The following HTR3D variants were observed in gnomAD, a reference collection of about 807,000 sequenced individuals.
The protein encoded by HTR3D is 5-hydroxytryptamine receptor 3D.
A neutral mutation model predicts 45.8 loss-of-function variants in HTR3D; 47 were observed. The observed-to-expected ratio is 1.03, with a 90% CI of 0.81 to 1.31. The LOEUF (loss-of-function observed/expected upper bound fraction) is 1.31, where lower values mean the gene tolerates loss of function less well. Among genes scored for constraint, HTR3D ranks in the 50% most tolerant of loss-of-function variants. The pLI is 0.00. For synonymous variants in HTR3D, 203 were observed against 199.8 expected, an observed-to-expected ratio of 1.02 and a Z score of -0.13; for missense variants, 448 against 506.9, an observed-to-expected ratio of 0.88 and a Z score of 1.12.
rs117979317 is a variant in HTR3D, at chr3:184,037,024, G to T, written c.516+128G>T. On this transcript the variant is annotated intron_variant, in intron 5 of 7. Transcript: ENST00000428798. ...ATTACGGGCGTGAACCACGAAGCCC[G>T]GCCTTTGTCACTCTTTTTTTTTTTT... The T allele has an allele frequency of 3.1e-5, 25 of 815,930 alleles. No homozygotes were observed. The South Asian group carries it at 4.4e-4, about 14-fold the overall frequency. The allele number at this position is 815,930 out of a possible 1,614,324, so 50.5% of individuals were successfully genotyped here. A position where few individuals can be genotyped will look rare whatever the true frequency, so the allele number is the denominator to read the frequency against.
chr3:184,035,705 T>TGA (rs1250602140), intron 2 of HTR3D, among the ~76,000 whole-genome samples: 3 of 148,280 alleles, frequency 2.0e-5, no homozygotes, highest in East Asian at 1.9e-4. Flanking sequence ...TTTTTTTTTT[T>TGA]GAGAGAGTCT....
chr3:184,038,264 C>A lies in HTR3D; in HGVS notation c.760C>A (p.Gln254Lys). ...SLVRPHPSRDQKRGVYFALCL... is the reference protein window; with the variant it reads ...SLVRPHPSRDKKRGVYFALCL... ...AGTACGTCCTCATCCATCAAGAGACCAAAAGCGAGGTGTGTGTTGGATGGG... is the reference window on the plus strand; with the variant it reads ...AGTACGTCCTCATCCATCAAGAGACAAAAAGCGAGGTGTGTGTTGGATGGG... Residue 254 changes from glutamine (Q) to lysine (K), a missense_variant, in exon 6 of 8, where the codon CAA (glutamine) becomes AAA (lysine). By Grantham distance (53) the Gln-to-Lys change is moderately conservative. Transcript: ENST00000428798. This position sits in a 1 kb window ranked among gnomAD's most constrained non-coding sequence, Gnocchi z 4.5. The A allele has an allele frequency of 6.2e-7, 1 of 1,614,052 alleles. No homozygotes were observed. The highest frequency in any genetic ancestry group is 1.1e-5 in the South Asian group (1 of 91,084).
At position 184,039,154 on chromosome 3, in the gene HTR3D, G is replaced by T; in HGVS notation, c.*179G>T. 1.5e-6 allele frequency: 1 copy of T among 648,314 alleles called. No individual in the cohort carries two copies. The highest frequency in any genetic ancestry group is 2.6e-6 in the Non-Finnish European group (1 of 384,076). 40.2% of individuals were successfully genotyped at this position (648,314 alleles called of 1,614,324 possible). A position where few individuals can be genotyped will look rare whatever the true frequency, so the allele number is the denominator to read the frequency against. On this transcript the variant is annotated 3_prime_UTR_variant, in exon 8 of 8. Coordinates refer to ENST00000428798, the MANE Select transcript of HTR3D (RefSeq NM_001145143.1). ...TATGCCCTCCAAAAGTCGGGTCCTT[G>T]CTCCTGCATGCCATCAGCCCCACTC...
rs143505928 is a variant in HTR3D, at chr3:184,036,695, C to T, written c.368-53C>T. The T allele has an allele frequency of 3.1e-4, 481 of 1,554,256 alleles. No homozygotes were observed. The African/African-American group carries it at 4.9e-3, about 16-fold the overall frequency. ...CAACAGTCTGGGCAAGGGACTTGGG[C>T]GCATTTGGGGAGGCTGAGTCTTCTG... On this transcript the variant is annotated intron_variant, in intron 4 of 7. Transcript: ENST00000428798.
intron 1 of HTR3D, chr3:184,034,965 G>A: frequency 8.8e-7 from 1 of 1,136,018 alleles, no homozygotes; most frequent in East Asian, 2.7e-5. Context: ...TGGAATACTT[G>A]TCAAAACATA....
chr3:184,039,087 C>A lies in HTR3D; in HGVS notation c.*112C>A. ...CCCTGTCAACCGCCTCATTTTTAACCCAGTCCTCTGTGTAGTTTCAGACCA... is the reference window on the plus strand; with the variant it reads ...CCCTGTCAACCGCCTCATTTTTAACACAGTCCTCTGTGTAGTTTCAGACCA... On this transcript the variant is annotated 3_prime_UTR_variant, in exon 8 of 8. Transcript: ENST00000428798. 1.7e-6 allele frequency: 2 copies of A among 1,150,074 alleles called. No individual in the cohort carries two copies. Among genetic ancestry groups the A allele is most frequent in the Non-Finnish European group, 2.5e-6 (2 of 791,854 alleles). The allele number at this position is 1,150,074 out of a possible 1,614,324, so 71.2% of individuals were successfully genotyped here.
At chr3:184,036,252 G>A (rs1211782684) in intron 3 of HTR3D, 123 bp from the exon 4 acceptor site, 1 of 1,497,626 alleles carries the variant, frequency 6.7e-7, no homozygotes, top group Non-Finnish European at 8.9e-7. Context: ...ATAGGTAGAA[G>A]AGAGCAGTCA....
In HTR3D at chr3:184,038,856, C is replaced by T. The variant is rs1172696157; in HGVS notation, c.1096C>T (p.Gln366Ter). The T allele has an allele frequency of 6.2e-7, 1 of 1,614,198 alleles. No homozygotes were observed. Among genetic ancestry groups the T allele is most frequent in the Admixed American group, 1.7e-5 (1 of 60,028 alleles). The change falls in exon 8 of 8, where the codon CAG (glutamine) becomes TAG (stop). Residue 366 changes from glutamine to a stop codon, truncating the protein, a stop_gained. Coordinates refer to ENST00000428798, the MANE Select transcript of HTR3D (RefSeq NM_001145143.1). LOFTEE classifies it high-confidence loss of function. The surrounding 1 kb of genome is among the most constrained non-coding windows in gnomAD (Gnocchi z 4.5). ...CCAGCGGGAACACGAGGCCCAGAAG[C>T]AGCACTCGGTGGAGCTGTGGGTGCA... The part of the protein sequence containing the change: ...RAQREHEAQK[Q>*]HSVELWVQFS...
chr3:184,033,777 C>T (rs1308862910), intron 1 of HTR3D, among the ~76,000 whole-genome samples: 2 of 152,010 alleles, frequency 1.3e-5, no homozygotes, highest in Non-Finnish European at 2.9e-5. Flanking sequence ...ATTAGCTGGG[C>T]GTGTTGGTGG....
chr3:184,037,291 G>C (rs1235330735), intron 5 of HTR3D, among the ~76,000 whole-genome samples: 2 of 151,998 alleles, frequency 1.3e-5, no homozygotes, highest in Non-Finnish European at 2.9e-5. Context: ...TGCCTGCCTC[G>C]GCCTCCCAAA....
intron 1 of HTR3D, among the ~76,000 whole-genome samples, chr3:184,032,050 A>G (rs1393871659): frequency 7.0e-6 from 1 of 141,860 alleles, no homozygotes; most frequent in Non-Finnish European, 1.5e-5. Context: ...GCTAGAGTGC[A>G]GTGGCAATAT....
intron 2 of HTR3D, 64 bp from the exon 3 acceptor site, chr3:184,035,951 C>T: frequency 4.0e-6 from 6 of 1,517,368 alleles, no homozygotes; most frequent in Non-Finnish European, 5.3e-6. Context: ...CCTCAGCCTT[C>T]CAAAGTGCTG....
intron 5 of HTR3D, 75 bp from the exon 6 acceptor site, chr3:184,037,924 ACAGTTTGGCCTGGGACAAATCC>A: frequency 6.9e-7 from 1 of 1,452,586 alleles, no homozygotes; most frequent in South Asian, 1.3e-5. Context: ...TCCTTACTAG[ACAGTTTGGCCTGGGACAAATCC>A]CAGTTCTTAC....
intron 3 of HTR3D, 36 bp downstream of exon 3, chr3:184,036,136 C>T (rs901526855): frequency 1.1e-5 from 17 of 1,539,814 alleles, no homozygotes; most frequent in Non-Finnish European, 1.1e-5. Context: ...ATGGAAACCA[C>T]GTCTACAGGG....
chr3:184,031,785 T>G lies in HTR3D; in HGVS notation c.44T>G (p.Phe15Cys). Reference sequence around the variant, plus strand: ...CATGGGAAAGGATTCCTCCTTGGCTTCATCCTCCACCTGCTGCTGCAAGTA... The same window carrying G: ...CATGGGAAAGGATTCCTCCTTGGCTGCATCCTCCACCTGCTGCTGCAAGTA... ...WFHGKGFLLG[F>C]ILHLLLQDSH... Residue 15 changes from phenylalanine (F) to cysteine (C), a missense_variant, in exon 1 of 8, where the codon TTC becomes TGC. Phe to Cys is a radical substitution (Grantham distance 205). Transcript: ENST00000428798. The G allele has an allele frequency of 1.3e-6, 2 of 1,551,436 alleles. No individual in the cohort carries two copies. Among genetic ancestry groups the G allele is most frequent in the Non-Finnish European group, 8.7e-7 (1 of 1,146,848 alleles).
intron 1 of HTR3D, chr3:184,032,728 C>T (rs757655981): frequency 3.4e-5 from 28 of 813,440 alleles, no homozygotes; most frequent in Non-Finnish European, 5.6e-5. Flanking sequence ...TGACTCAGCT[C>T]ACCTCATCAG....
In HTR3D at chr3:184,038,521, G is replaced by T; in HGVS notation, c.882G>T (p.Trp294Cys). The change falls in exon 7 of 8, where the codon TGG (tryptophan) becomes TGT (cysteine). Residue 294 changes from tryptophan to cysteine, a missense_variant. Physicochemically the swap from Trp to Cys is radical, Grantham distance 215. Transcript: ENST00000428798. This position sits in a 1 kb window ranked among gnomAD's most constrained non-coding sequence, Gnocchi z 4.5. ...ATTQPLPLPRWLHSLLLHCTG... is the reference protein window; with the variant it reads ...ATTQPLPLPRCLHSLLLHCTG... ...CCCAGCCCCTACCTCTGCCTCGGTG[G>T]CTCCACTCCCTGCTGCTGCACTGCA... The T allele has an allele frequency of 6.2e-7, 1 of 1,613,908 alleles. No homozygotes were observed. The highest frequency in any genetic ancestry group is 8.5e-7 in the Non-Finnish European group (1 of 1,180,030).
At chr3:184,032,868 TC>T (rs1722787758) in intron 1 of HTR3D, 1 of 1,551,908 alleles carries the variant, frequency 6.4e-7, no homozygotes, top group South Asian at 1.2e-5. Context: ...GCCCTGGCCC[TC>T]CTCTCTCAGT....
intron 5 of HTR3D, 135 bp from the exon 6 acceptor site, chr3:184,037,886 G>C (rs1227406581): frequency 9.3e-7 from 1 of 1,075,158 alleles, no homozygotes; most frequent in Non-Finnish European, 1.3e-6. Context: ...GAAAAGACCG[G>C]ATGCTGAAAG....
Sources: gnomAD v4.1 joint callset for allele counts (sites outside exome capture counted in the v4.1 genomes callset) on GRCh38, gnomAD v4.1.1 for gene constraint, Gnocchi (gnomAD v3.1) non-coding constraint, MANE v1.5 for transcripts, NCBI Gene and HGNC (gene_info 2026-07-23, HGNC 2026-07-21) for gene names.